The following GRM7 variants were observed in gnomAD, a reference collection of about 807,000 sequenced individuals.
GRM7 encodes metabotropic glutamate receptor 7.
A neutral mutation model predicts 84.5 loss-of-function variants in GRM7; 35 were observed. That is an observed-to-expected ratio of 0.41 (90% confidence interval 0.32 to 0.55). The LOEUF (loss-of-function observed/expected upper bound fraction) is 0.55, where lower values mean the gene tolerates loss of function less well. Ranked by LOEUF, GRM7 falls within the 20% of genes least tolerant of loss-of-function variation. GRM7 has a pLI of 0.19. For missense variants in GRM7, 1,003 were observed against 1,194.6 expected, an observed-to-expected ratio of 0.84 and a Z score of 2.36; for synonymous variants, 487 against 455.1, an observed-to-expected ratio of 1.07 and a Z score of -0.89.
At chr3:7,147,053 C>T (rs558768062) in intron 2 of GRM7, among the ~76,000 whole-genome samples, 8 of 152,272 alleles carry the variant, frequency 5.3e-5, no homozygotes, top group South Asian at 4.1e-4. Flanking sequence ...TTTAGAATTA[C>T]GTGAATGCAA....
intron 1 of GRM7, among the ~76,000 whole-genome samples, chr3:6,952,653 C>A (rs1439034620): frequency 6.6e-6 from 1 of 152,112 alleles, no homozygotes; most frequent in Non-Finnish European, 1.5e-5. Context: ...GAAAACTGAT[C>A]CTTAATGATC....
At chr3:7,328,232 A>G (rs1008949351) in intron 4 of GRM7, among the ~76,000 whole-genome samples, 1 of 152,212 alleles carries the variant, frequency 6.6e-6, no homozygotes, top group Non-Finnish European at 1.5e-5. Flanking sequence ...ACTCATCGTC[A>G]TGGCTTTTGT....
At chr3:7,152,574 G>A (rs116508500) in intron 2 of GRM7, among the ~76,000 whole-genome samples, 1 of 152,142 alleles carries the variant, frequency 6.6e-6, no homozygotes, top group African/African-American at 2.4e-5. Flanking sequence ...TGGATTTGCG[G>A]ATATTCTTTG....
chr3:7,250,845 T>G (rs998936498), intron 2 of GRM7, among the ~76,000 whole-genome samples: 1 of 152,172 alleles, frequency 6.6e-6, no homozygotes, highest in East Asian at 1.9e-4. Flanking sequence ...TATTTTTTAA[T>G]GGCCAACTGG....
intron 9 of GRM7, among the ~76,000 whole-genome samples, chr3:7,711,574 C>A (rs879802053): frequency 9.8e-5 from 15 of 152,302 alleles, no homozygotes; most frequent in African/African-American, 3.6e-4. Flanking sequence ...ATGACCTAAG[C>A]CACCTCTAAC....
chr3:6,981,567 A>G (rs1294240064), intron 1 of GRM7, among the ~76,000 whole-genome samples: 1 of 152,172 alleles, frequency 6.6e-6, no homozygotes. Context: ...GTTCCTGCTG[A>G]TGGAGGGAAG....
chr3:7,686,450 T>TAAGA (rs746035270), intron 9 of GRM7: 81 of 1,321,434 alleles, frequency 6.1e-5, no homozygotes, highest in Non-Finnish European at 8.1e-5. Flanking sequence ...TTCCCAAAGG[T>TAAGA]AAGAAAACAA....
intron 1 of GRM7, among the ~76,000 whole-genome samples, chr3:6,927,027 A>G (rs1697322163): frequency 6.6e-6 from 1 of 152,210 alleles, no homozygotes; most frequent in African/African-American, 2.4e-5. Flanking sequence ...GCACTGTGTT[A>G]AGCAAAATTT....
chr3:7,377,702 C>T (rs1694411354), intron 4 of GRM7, among the ~76,000 whole-genome samples: 1 of 152,086 alleles, frequency 6.6e-6, no homozygotes, highest in South Asian at 2.1e-4. Flanking sequence ...AAGACATGAA[C>T]TAAATCTATT....
intron 1 of GRM7, among the ~76,000 whole-genome samples, chr3:6,920,014 C>T (rs1697070316): frequency 6.6e-6 from 1 of 152,132 alleles, no homozygotes; most frequent in Admixed American, 6.5e-5. Flanking sequence ...GAATATAACA[C>T]AGTGGTTAAG....
At chr3:7,547,178 C>T (rs1014926771) in intron 7 of GRM7, among the ~76,000 whole-genome samples, 14 of 151,166 alleles carry the variant, frequency 9.3e-5, no homozygotes, top group Non-Finnish European at 2.9e-5. Context: ...TCAGCACAGC[C>T]CCCAGAGAGT....
intron 2 of GRM7, among the ~76,000 whole-genome samples, chr3:7,277,522 A>T (rs1234513673): frequency 6.6e-6 from 1 of 152,134 alleles, no homozygotes; most frequent in African/African-American, 2.4e-5. Flanking sequence ...ACATGTTATT[A>T]AATTAATAAC....
At chr3:7,064,462 A>G (rs893398923) in intron 1 of GRM7, among the ~76,000 whole-genome samples, 10 of 96,146 alleles carry the variant, frequency 1.0e-4, no homozygotes, top group Non-Finnish European at 1.5e-4. Context: ...GGATATATAT[A>G]CATATATATA....
At chr3:7,376,006 C>G (rs1210599755) in intron 4 of GRM7, among the ~76,000 whole-genome samples, 2 of 152,176 alleles carry the variant, frequency 1.3e-5, no homozygotes, top group Admixed American at 6.5e-5. Flanking sequence ...TGAGTTACAG[C>G]TCAGAGAGCC....
chr3:7,433,103 A>C (rs1575327806), intron 5 of GRM7, among the ~76,000 whole-genome samples: 1 of 152,222 alleles, frequency 6.6e-6, no homozygotes, highest in African/African-American at 2.4e-5. Context: ...ATAATGGTGA[A>C]AATGCATGAC....
chr3:6,963,023 T>C (rs998349988), intron 1 of GRM7, among the ~76,000 whole-genome samples: 15 of 152,306 alleles, frequency 9.8e-5, no homozygotes, highest in African/African-American at 3.4e-4. Context: ...AAAGGGCCCA[T>C]GTATAGTTCA....
At chr3:7,546,180 T>G (rs891629022) in intron 7 of GRM7, among the ~76,000 whole-genome samples, 1 of 152,170 alleles carries the variant, frequency 6.6e-6, no homozygotes, top group South Asian at 2.1e-4. Context: ...CTCTCATATT[T>G]CATCATAAAA....
intron 7 of GRM7, among the ~76,000 whole-genome samples, chr3:7,464,796 C>G (rs927694256): frequency 8.8e-5 from 13 of 147,106 alleles, no homozygotes; most frequent in Admixed American, 7.8e-4. Flanking sequence ...CCACTGCACT[C>G]CAGCCTGGGT....
At chr3:7,194,560 C>T (rs938332043) in intron 2 of GRM7, among the ~76,000 whole-genome samples, 2 of 152,142 alleles carry the variant, frequency 1.3e-5, no homozygotes, top group Non-Finnish European at 2.9e-5. Context: ...AGGCCTTTCT[C>T]ACGGTCTCAT....
Sources: allele counts gnomAD v4.1 joint callset (sites outside exome capture counted in the v4.1 genomes callset), GRCh38; gene constraint gnomAD v4.1.1; transcripts MANE v1.5; gene names NCBI Gene and HGNC (gene_info 2026-07-23, HGNC 2026-07-21).